GALNT17: variants seen among roughly 807,000 people sequenced by gnomAD.
GALNT17 encodes UDP-GalNAc:polypeptide N-acetylgalactosaminyltransferase-like 3.
A neutral mutation model predicts 63.7 loss-of-function variants in GALNT17; 29 were observed. The ratio of observed to expected loss-of-function variants is 0.46; its 90% CI spans 0.34 to 0.62. The LOEUF is 0.62. Among genes scored for constraint, GALNT17 ranks in the 20% least tolerant of loss-of-function variants. The probability of loss-of-function intolerance (pLI) is 0.01; values close to 1 mark genes in which losing one functional copy is unlikely to be tolerated. For missense variants in GALNT17, 603 were observed against 799.6 expected, an observed-to-expected ratio of 0.75 and a Z score of 2.97; for synonymous variants, 305 against 318.3, an observed-to-expected ratio of 0.96 and a Z score of 0.45.
In GALNT17 at chr7:71,296,718, G is replaced by A. The variant is rs556678308; in HGVS notation, c.239-38832G>A. ...TTAAGAACCAAGAAAAAAAAAACGT[G>A]TTTTTTTTTAGACAGGGTATATGTA... On this transcript the variant is annotated intron_variant, in intron 1 of 10. Transcript: ENST00000333538. Among the ~76,000 whole-genome samples the A allele has an allele frequency of 9.4e-4, 140 of 148,704 alleles. 2 individuals are homozygous for A. Among genetic ancestry groups the A allele is most frequent in the African/African-American group, 3.4e-3 (140 of 40,726 alleles).
rs146690141 is a variant in GALNT17, at chr7:71,607,242, C to A, written c.1080+35840C>A. On this transcript the variant is annotated intron_variant, in intron 6 of 10. Coordinates refer to ENST00000333538, the MANE Select transcript of GALNT17 (RefSeq NM_022479.3). ...GGTGAGAAGCCCACTAAAAATACTT[C>A]TAATACTGCCTGAGAAACTAAAGGA... is the stretch of plus-strand genomic sequence containing the variant. Among the ~76,000 whole-genome samples the A allele has an allele frequency of 4.0e-3, 607 of 152,252 alleles. 4 individuals carry two copies. The highest frequency in any genetic ancestry group is 0.013 in the African/African-American group (557 of 41,548).
At chr7:71,482,988 T>A (rs1487050524) in intron 5 of GALNT17, among the ~76,000 whole-genome samples, 1 of 152,162 alleles carries the variant, frequency 6.6e-6, no homozygotes, top group Non-Finnish European at 1.5e-5. Context: ...TAAATACAGA[T>A]GAAGCTTTGC....
At chr7:71,679,027 T>C (rs954515731) in intron 9 of GALNT17, among the ~76,000 whole-genome samples, 3 of 151,606 alleles carry the variant, frequency 2.0e-5, no homozygotes, top group African/African-American at 7.3e-5. Flanking sequence ...CATCACCATC[T>C]ACGATTGGTG....
At chr7:71,691,834 C>T (rs1028800914) in intron 9 of GALNT17, among the ~76,000 whole-genome samples, 2 of 152,134 alleles carry the variant, frequency 1.3e-5, no homozygotes, top group Non-Finnish European at 2.9e-5. Context: ...AAAGTCACTT[C>T]TGCTCCTCTT....
chr7:71,530,570 ATT>A lies in GALNT17; in HGVS notation c.963-40713_963-40712del, dbSNP rs1788702600. ...TATTTATTTATTTATTTATTTATTT[ATT>A]TATTTATTTATTTATTTTTGAGACA... is the stretch of plus-strand genomic sequence containing the variant. On this transcript the variant is annotated intron_variant, in intron 5 of 10. Transcript: ENST00000333538. Among the ~76,000 whole-genome samples, 3 of 149,642 alleles carry A rather than the reference ATT, an allele frequency of 2.0e-5. No individual in the cohort carries two copies. In the South Asian group the frequency reaches 6.4e-4, roughly 32 times the overall value.
At chr7:71,675,421 C>G (rs764158324) in intron 8 of GALNT17, among the ~76,000 whole-genome samples, 2 of 152,124 alleles carry the variant, frequency 1.3e-5, no homozygotes, top group African/African-American at 2.4e-5. Context: ...CAAATCATGA[C>G]GTAAAGCAAA....
At chr7:71,262,060 A>G (rs951791032) in intron 1 of GALNT17, among the ~76,000 whole-genome samples, 1 of 152,142 alleles carries the variant, frequency 6.6e-6, no homozygotes. Context: ...GTGATGGTGA[A>G]CAAGAATGTC....
chr7:71,203,433 A>C lies in GALNT17; in HGVS notation c.238+70393A>C, dbSNP rs1789212630. 3.3e-5 allele frequency among the ~76,000 whole-genome samples: 5 copies of C among 152,302 alleles called. No individual in the cohort carries two copies. In the South Asian group the frequency reaches 1.0e-3, roughly 32 times the overall value. On this transcript the variant is annotated intron_variant, in intron 1 of 10. Transcript: ENST00000333538. ...TTTAATATACTTGTTGGCCATTTGT[A>C]TCTCTTCTTTTGAGAAATATCTATT...
intron 5 of GALNT17, among the ~76,000 whole-genome samples, chr7:71,479,604 G>A (rs939146034): frequency 1.6e-4 from 24 of 151,970 alleles, no homozygotes; most frequent in South Asian, 1.0e-3. Context: ...TCCTGTGCTG[G>A]AACTCATTCA....
intron 5 of GALNT17, among the ~76,000 whole-genome samples, chr7:71,554,289 G>A (rs545205214): frequency 1.6e-4 from 25 of 152,150 alleles, no homozygotes; most frequent in Admixed American, 9.2e-4. Context: ...GATAAATCTC[G>A]TGAGATCTGA....
chr7:71,660,853 A>G (rs1006239124), intron 6 of GALNT17, among the ~76,000 whole-genome samples: 3 of 152,142 alleles, frequency 2.0e-5, no homozygotes, highest in Non-Finnish European at 4.4e-5. Context: ...CATCACTTAG[A>G]GCCAGCCCAT....
Position 71,399,009 on chromosome 7 carries a change from G to A in GALNT17, c.589+10608G>A, listed in dbSNP as rs558973350. 2.0e-5 allele frequency among the ~76,000 whole-genome samples: 3 copies of A among 152,110 alleles called. No homozygotes were observed. The South Asian group carries it at 6.2e-4, about 32-fold the overall frequency. On this transcript the variant is annotated intron_variant, in intron 3 of 10. Transcript: ENST00000333538. ...GCACTTTGGGAGGCTGAGGTGGGACGATCACTTGAGGTCAGGCATTTGAGA... is the reference window on the plus strand; with the variant it reads ...GCACTTTGGGAGGCTGAGGTGGGACAATCACTTGAGGTCAGGCATTTGAGA...
intron 1 of GALNT17, among the ~76,000 whole-genome samples, chr7:71,322,526 G>T (rs1791636396): frequency 2.0e-5 from 3 of 152,178 alleles, no homozygotes; most frequent in Admixed American, 2.0e-4. Context: ...TCTGAGGGAA[G>T]CACAAATCTA....
chr7:71,451,047 A>G (rs1307397312), intron 5 of GALNT17, among the ~76,000 whole-genome samples: 1 of 151,736 alleles, frequency 6.6e-6, no homozygotes, highest in East Asian at 1.9e-4. Flanking sequence ...CATCATTCAC[A>G]TTAGGTATAT....
chr7:71,333,405 G>A (rs568169988), intron 1 of GALNT17, among the ~76,000 whole-genome samples: 1 of 152,262 alleles, frequency 6.6e-6, no homozygotes, highest in East Asian at 1.9e-4. Flanking sequence ...ATCAGTTGAT[G>A]GACATTTAGC....
At chr7:71,683,835 T>A (rs1584136127) in intron 9 of GALNT17, among the ~76,000 whole-genome samples, 1 of 151,684 alleles carries the variant, frequency 6.6e-6, no homozygotes, top group South Asian at 2.1e-4. Context: ...TGATGAAACC[T>A]CGTCTCTACT....
chr7:71,662,812 T>C (rs1486151457), intron 6 of GALNT17, among the ~76,000 whole-genome samples: 1 of 152,252 alleles, frequency 6.6e-6, no homozygotes, highest in East Asian at 1.9e-4. Flanking sequence ...GAATTTTTAC[T>C]CTTATGTTTT....
chr7:71,666,450 G>A, intron 7 of GALNT17, among the ~76,000 whole-genome samples: 1 of 151,374 alleles, frequency 6.6e-6, no homozygotes, highest in East Asian at 1.9e-4. Flanking sequence ...GTGGTATTTG[G>A]TTACATGAGT....
intron 5 of GALNT17, among the ~76,000 whole-genome samples, chr7:71,426,178 C>T (rs1463571265): frequency 1.3e-5 from 2 of 152,152 alleles, no homozygotes; most frequent in African/African-American, 4.8e-5. Context: ...GGGTGCAGAG[C>T]CAAACCACGT....
Sources: gnomAD v4.1 joint callset for allele counts (sites outside exome capture counted in the v4.1 genomes callset) on GRCh38, gnomAD v4.1.1 for gene constraint, MANE v1.5 for transcripts, NCBI Gene and HGNC (gene_info 2026-07-23, HGNC 2026-07-21) for gene names.